DPP6: variants seen among roughly 807,000 people sequenced by gnomAD.
DPP6 encodes the protein A-type potassium channel modulatory protein DPP6.
Under a neutral mutation model 122.6 loss-of-function variants are expected in DPP6, and 69 were observed. The observed-to-expected ratio is 0.56, with a 90% CI of 0.46 to 0.69. The LOEUF is 0.69. Ranked by LOEUF, DPP6 falls within the 30% of genes least tolerant of loss-of-function variation. The pLI is 0.00. For missense variants in DPP6, 928 were observed against 1,116.9 expected (o/e 0.83, Z 2.41); for synonymous variants, 418 against 433.1 (o/e 0.97, Z 0.43).
intron 1 of DPP6, among the ~76,000 whole-genome samples, chr7:154,240,476 C>G (rs2150872190): frequency 6.6e-6 from 1 of 152,280 alleles, no homozygotes; most frequent in South Asian, 2.1e-4. Flanking sequence ...AAAATGACCA[C>G]TAAGTTCTCC....
At chr7:153,969,245 G>C (rs1243448423) in intron 1 of DPP6, among the ~76,000 whole-genome samples, 1 of 149,226 alleles carries the variant, frequency 6.7e-6, no homozygotes, top group Non-Finnish European at 1.5e-5. Context: ...CTCCCAAGTG[G>C]TGTAGCTCCT....
At chr7:154,010,218 G>T (rs534379828) in intron 1 of DPP6, among the ~76,000 whole-genome samples, 2 of 152,194 alleles carry the variant, frequency 1.3e-5, no homozygotes, top group Non-Finnish European at 2.9e-5. Context: ...TCCAAGGTCT[G>T]GCAAAGCTTT....
At chr7:153,975,574 G>T (rs1206531100) in intron 1 of DPP6, among the ~76,000 whole-genome samples, 2 of 151,532 alleles carry the variant, frequency 1.3e-5, no homozygotes, top group Non-Finnish European at 1.5e-5. Flanking sequence ...ATACTGCAAT[G>T]AGAGTTCTAT....
rs1798921823 is a variant in DPP6, at chr7:154,809,668, T to C, written c.1666+2556T>C. Among the ~76,000 whole-genome samples, 4 of 152,182 alleles carry C rather than the reference T, an allele frequency of 2.6e-5. No individual in the cohort carries two copies. The South Asian group carries it at 8.3e-4, about 32-fold the overall frequency. On this transcript the variant is annotated intron_variant, in intron 16 of 25. Transcript: ENST00000377770. Reference sequence around the variant, plus strand: ...GAGGCGACAGCACATTCTGAGGCTGTGTTTCAAGATGAAAGGTAACACATA... The same window carrying C: ...GAGGCGACAGCACATTCTGAGGCTGCGTTTCAAGATGAAAGGTAACACATA...
At chr7:154,885,795 G>T in intron 22 of DPP6, 51 bp downstream of exon 22, 1 of 1,191,668 alleles carries the variant, frequency 8.4e-7, no homozygotes. Flanking sequence ...GCCCCGCCCC[G>T]CCCCCTGCCT....
chr7:154,061,011 G>C (rs1219728372), intron 1 of DPP6, among the ~76,000 whole-genome samples: 1 of 148,986 alleles, frequency 6.7e-6, no homozygotes, highest in Non-Finnish European at 1.5e-5. Context: ...TCCAAGTAGA[G>C]AGTTCAAATC....
intron 1 of DPP6, among the ~76,000 whole-genome samples, chr7:153,988,893 A>T (rs545515191): frequency 6.7e-6 from 1 of 149,438 alleles, no homozygotes; most frequent in African/African-American, 2.4e-5. Flanking sequence ...GAGAGCGGTG[A>T]TGTATGGAAG....
At chr7:154,501,483 C>A (rs191920434) in intron 3 of DPP6, among the ~76,000 whole-genome samples, 81 of 152,238 alleles carry the variant, frequency 5.3e-4, no homozygotes, top group African/African-American at 1.9e-3. Context: ...GGACTTGGTG[C>A]CCTGTGTCCC....
intron 3 of DPP6, among the ~76,000 whole-genome samples, chr7:154,485,371 CT>C (rs1200397056): frequency 6.6e-6 from 1 of 152,138 alleles, no homozygotes; most frequent in Non-Finnish European, 1.5e-5. Flanking sequence ...TTTTTTCTCT[CT>C]TTTGTTGTCA....
Position 154,297,079 on chromosome 7 carries a change from T to TTG in DPP6, c.244-149134_244-149133insGT, listed in dbSNP as rs1554511197. ...ATGTATTCTGTTTTTTTTTTTTTGT[T>TTG]TTGTTTTTCTATTTGGAGGGTGAGG... On this transcript the variant is annotated intron_variant, in intron 1 of 25. Coordinates refer to ENST00000377770, the MANE Select transcript of DPP6 (RefSeq NM_130797.4). Among the ~76,000 whole-genome samples the TTG allele has an allele frequency of 2.6e-4, 34 of 128,544 alleles. 1 individual carries two copies. The highest frequency in any genetic ancestry group is 2.0e-3 in the Admixed American group (26 of 12,772). The allele number at this position is 128,544 out of a possible 152,430, so 84.3% of individuals were successfully genotyped here.
At chr7:154,411,999 C>T (rs115685964) in intron 1 of DPP6, among the ~76,000 whole-genome samples, 403 of 152,096 alleles carry the variant, frequency 2.6e-3, no homozygotes, top group African/African-American at 9.1e-3. Context: ...TTCTGGAGAC[C>T]GAGAAGTCCA....
intron 6 of DPP6, among the ~76,000 whole-genome samples, chr7:154,643,781 G>C (rs960825899): frequency 2.0e-5 from 3 of 152,258 alleles, no homozygotes; most frequent in African/African-American, 7.2e-5. Context: ...ACCCACCAAA[G>C]AAGGAGGGGA....
In DPP6 at chr7:154,552,329, G is replaced by A. The variant is rs1336693378; in HGVS notation, c.552+11703G>A. ...AAAATTCACAGAGCTACTTTACCTT[G>A]CCCTAAAATTCAAACAAAAACCCTT... On this transcript the variant is annotated intron_variant, in intron 4 of 25. Transcript: ENST00000377770. Among the ~76,000 whole-genome samples the A allele has an allele frequency of 4.6e-5, 7 of 152,136 alleles. No individual in the cohort carries two copies. In the East Asian group the frequency reaches 1.3e-3, roughly 29 times the overall value.
At position 154,311,050 on chromosome 7, in the gene DPP6, A is replaced by G. The variant is rs79857827; in HGVS notation, c.244-135164A>G. Among the ~76,000 whole-genome samples the G allele has an allele frequency of 7.1e-3, 1,081 of 152,282 alleles. 14 individuals are homozygous for G. The highest frequency in any genetic ancestry group is 0.061 in the East Asian group (318 of 5,178). On this transcript the variant is annotated intron_variant, in intron 1 of 25. Coordinates refer to ENST00000377770, the MANE Select transcript of DPP6 (RefSeq NM_130797.4). Reference sequence around the variant, plus strand: ...ATTCTCTATAAGCTCTGAGAGGTCAATGGTTGACATCCTTGCTTGTAAAAG... The same window carrying G: ...ATTCTCTATAAGCTCTGAGAGGTCAGTGGTTGACATCCTTGCTTGTAAAAG...
intron 1 of DPP6, among the ~76,000 whole-genome samples, chr7:154,041,449 G>A (rs28421487): frequency 0.013 from 1,915 of 152,280 alleles, 32 homozygotes; most frequent in African/African-American, 0.044. Context: ...TGGCCCTCTC[G>A]GGAACTCTGT....
chr7:154,237,458 C>A (rs902598388), intron 1 of DPP6, among the ~76,000 whole-genome samples: 1 of 152,138 alleles, frequency 6.6e-6, no homozygotes, highest in Non-Finnish European at 1.5e-5. Context: ...GTGCTGTGGG[C>A]CATTCATCTG....
At chr7:154,346,124 G>A (rs1810374987) in intron 1 of DPP6, among the ~76,000 whole-genome samples, 1 of 152,014 alleles carries the variant, frequency 6.6e-6, no homozygotes, top group Non-Finnish European at 1.5e-5. Context: ...CTGTTTACCA[G>A]CCCCTCTGAA....
chr7:154,889,254 T>C lies in DPP6; in HGVS notation c.2305-18T>C, dbSNP rs1162371279. ...AGTGCAGCCCCCTAACTCTGTCCCC[T>C]TGCCCCCGCATGTGCAGATGACCAA... On this transcript the variant is annotated intron_variant, in intron 23 of 25. Coordinates refer to ENST00000377770, the MANE Select transcript of DPP6 (RefSeq NM_130797.4). 2.5e-6 allele frequency: 4 copies of C among 1,610,928 alleles called. No individual in the cohort carries two copies. Among genetic ancestry groups the C allele is most frequent in the Non-Finnish European group, 3.4e-6 (4 of 1,178,862 alleles).
chr7:154,860,486 TGA>T (rs1280437186), intron 17 of DPP6, among the ~76,000 whole-genome samples: 1 of 152,096 alleles, frequency 6.6e-6, no homozygotes, highest in African/African-American at 2.4e-5. Flanking sequence ...GTGGAAAGGA[TGA>T]GAGTCTGGAC....
Sources: allele counts gnomAD v4.1 joint callset (sites outside exome capture counted in the v4.1 genomes callset), GRCh38; gene constraint gnomAD v4.1.1; transcripts MANE v1.5; gene names NCBI Gene and HGNC (gene_info 2026-07-23, HGNC 2026-07-21).